The following DCK variants were observed in gnomAD, a reference collection of about 807,000 sequenced individuals.
DCK encodes the protein deoxycytidine kinase, also known as deoxyadenosine kinase.
Under a neutral mutation model 38.3 loss-of-function variants are expected in DCK, and 23 were observed. That is an observed-to-expected ratio of 0.60 (90% CI 0.43 to 0.85). The LOEUF is 0.85. DCK is among the 40% of genes least tolerant of loss of function. DCK has a pLI of 0.00. For missense variants in DCK, 259 were observed against 304.4 expected, an observed-to-expected ratio of 0.85 and a Z score of 1.11; for synonymous variants, 108 against 100.6, an observed-to-expected ratio of 1.07 and a Z score of -0.44.
chr4:70,997,853 A>G (rs1338185003), intron 1 of DCK, among the ~76,000 whole-genome samples: 3 of 152,232 alleles, frequency 2.0e-5, no homozygotes, highest in Non-Finnish European at 4.4e-5. Context: ...ATATTGTTAA[A>G]CTAAACGTAA....
chr4:70,994,135 T>C, intron 1 of DCK: 1 of 590,350 alleles, frequency 1.7e-6, no homozygotes, highest in Non-Finnish European at 3.0e-6. Context: ...GGGGTCAGAC[T>C]GGGCGCCAGG....
intron 2 of DCK, among the ~76,000 whole-genome samples, chr4:71,003,831 T>C (rs1739870927): frequency 6.6e-6 from 1 of 152,222 alleles, no homozygotes; most frequent in African/African-American, 2.4e-5. Context: ...TTCTGTAAAC[T>C]GGTTATTCTA....
intron 2 of DCK, among the ~76,000 whole-genome samples, chr4:71,018,174 T>C (rs1740320749): frequency 6.9e-6 from 1 of 145,140 alleles, no homozygotes; most frequent in Non-Finnish European, 1.5e-5. Flanking sequence ...TCTCCCAGGC[T>C]GGAGTGCAGT....
At chr4:71,007,134 A>T (rs980789713) in intron 2 of DCK, among the ~76,000 whole-genome samples, 1 of 152,204 alleles carries the variant, frequency 6.6e-6, no homozygotes, top group Admixed American at 6.5e-5. Context: ...AATCCTTAGG[A>T]TATCCAGGAC....
intron 2 of DCK, among the ~76,000 whole-genome samples, chr4:70,999,838 A>G (rs1023766363): frequency 1.3e-5 from 2 of 151,428 alleles, no homozygotes; most frequent in African/African-American, 4.9e-5. Flanking sequence ...GTGTCTGTTC[A>G]TATCATTTGC....
chr4:71,005,252 G>C (rs1383777424), intron 2 of DCK, among the ~76,000 whole-genome samples: 1 of 151,686 alleles, frequency 6.6e-6, no homozygotes, highest in Non-Finnish European at 1.5e-5. Flanking sequence ...TCCAGGTGAG[G>C]CGATGCCCCA....
rs577069491 is a variant in DCK, at chr4:71,025,367, G to C, written c.550-449G>C. Among the ~76,000 whole-genome samples the C allele has an allele frequency of 7.2e-5, 11 of 152,068 alleles. No homozygotes were observed. The South Asian group carries it at 2.3e-3, about 31-fold the overall frequency. Reference sequence around the variant, plus strand: ...GCATAAAACATTCCAAAGTTGTTTTGGTTGTGCTGATATAGAGTTTTCATC... The same window carrying C: ...GCATAAAACATTCCAAAGTTGTTTTCGTTGTGCTGATATAGAGTTTTCATC... On this transcript the variant is annotated intron_variant, in intron 4 of 6. Coordinates refer to ENST00000286648, the MANE Select transcript of DCK (RefSeq NM_000788.3).
rs1353826260 is a variant in DCK, at chr4:71,030,054, TA to T, written c.*677del. On this transcript the variant is annotated 3_prime_UTR_variant, in exon 7 of 7. Coordinates refer to ENST00000286648, the MANE Select transcript of DCK (RefSeq NM_000788.3). ...TTGCTTTGTAGTTTGCTTTGCTTTGTAGGGTTCTGCTTTTAAGTTTTTCTCT... is the reference window on the plus strand; with the variant it reads ...TTGCTTTGTAGTTTGCTTTGCTTTGTGGGTTCTGCTTTTAAGTTTTTCTCT... 2.6e-5 allele frequency: 4 copies of T among 152,642 alleles called. No individual in the cohort carries two copies. Among genetic ancestry groups the T allele is most frequent in the African/African-American group, 9.6e-5 (4 of 41,466 alleles). 9.5% of individuals were successfully genotyped at this position (152,642 alleles called of 1,614,324 possible). A position where few individuals can be genotyped will look rare whatever the true frequency, so the allele number is the denominator to read the frequency against.
intron 2 of DCK, among the ~76,000 whole-genome samples, chr4:71,003,878 GT>G (rs1739871683): frequency 6.6e-6 from 1 of 152,240 alleles, no homozygotes; most frequent in East Asian, 1.9e-4. Context: ...AAGGTTCTTA[GT>G]TCCTTGCATT....
intron 1 of DCK, among the ~76,000 whole-genome samples, chr4:70,995,584 CAG>C (rs1321206476): frequency 1.3e-5 from 2 of 152,022 alleles, no homozygotes; most frequent in African/African-American, 4.8e-5. Flanking sequence ...GTTAAAAACA[CAG>C]AAACAAAACA....
At chr4:71,023,033 G>A (rs950694952) in intron 3 of DCK, among the ~76,000 whole-genome samples, 12 of 152,136 alleles carry the variant, frequency 7.9e-5, no homozygotes, top group Admixed American at 3.3e-4. Flanking sequence ...AATAACTATC[G>A]AGGTGTCCAA....
At chr4:71,000,507 C>G (rs1010865681) in intron 2 of DCK, among the ~76,000 whole-genome samples, 1 of 152,084 alleles carries the variant, frequency 6.6e-6, no homozygotes, top group Non-Finnish European at 1.5e-5. Context: ...TATACGGGCT[C>G]TTTTTTGGTT....
intron 6 of DCK, among the ~76,000 whole-genome samples, chr4:71,029,058 A>C (rs1740616334): frequency 6.6e-6 from 1 of 151,710 alleles, no homozygotes; most frequent in African/African-American, 2.4e-5. Context: ...CGCCTGGCCT[A>C]TTTTTGTGTT....
chr4:71,026,784 T>C (rs1019426207), intron 6 of DCK, 29 bp downstream of exon 6: 5 of 1,178,770 alleles, frequency 4.2e-6, no homozygotes, highest in South Asian at 4.0e-5. Context: ...CAAACAAATA[T>C]TTGTTTTTTC....
At chr4:71,015,045 CA>C (rs1477127124) in intron 2 of DCK, among the ~76,000 whole-genome samples, 1 of 152,028 alleles carries the variant, frequency 6.6e-6, no homozygotes, top group African/African-American at 2.4e-5. Flanking sequence ...AAGAAGAAAA[CA>C]GAGAAGAATC....
intron 1 of DCK, among the ~76,000 whole-genome samples, chr4:70,994,822 C>T (rs1739624516): frequency 6.6e-6 from 1 of 152,196 alleles, no homozygotes; most frequent in African/African-American, 2.4e-5. Flanking sequence ...ACTAACGTTT[C>T]TGTTAACTCA....
At chr4:71,024,920 T>C (rs1740510458) in intron 4 of DCK, among the ~76,000 whole-genome samples, 1 of 152,090 alleles carries the variant, frequency 6.6e-6, no homozygotes, top group Non-Finnish European at 1.5e-5. Flanking sequence ...ACATAAATAA[T>C]ACTAATAATT....
At position 70,993,905 on chromosome 4, in the gene DCK, A is replaced by G. The variant is rs66878317; in HGVS notation, c.70A>G (p.Ile24Val). The G allele has an allele frequency of 1.4e-3, 2,275 of 1,613,696 alleles. 32 individuals are homozygous for G. The African/African-American group carries it at 0.027, about 19-fold the overall frequency. ...ASSEGTRIKK[I>V]SIEGNIAAGK... ...CTCTGAGGGGACCCGCATCAAGAAAATCTCCATCGAAGGGAACATCGGTAA... is the reference window on the plus strand; with the variant it reads ...CTCTGAGGGGACCCGCATCAAGAAAGTCTCCATCGAAGGGAACATCGGTAA... The change falls in exon 1 of 7, where the codon ATC becomes GTC. Residue 24 changes from isoleucine (I) to valine (V), a missense_variant. Physicochemically the swap from Ile to Val is conservative, Grantham distance 29. Around this residue, in one of 3 missense-constraint regions of DCK, gnomAD observed 159 missense variants for 159.0 expected, o/e 1.00. Coordinates refer to ENST00000286648, the MANE Select transcript of DCK (RefSeq NM_000788.3).
intron 2 of DCK, among the ~76,000 whole-genome samples, chr4:71,014,968 C>G (rs1462489867): frequency 6.6e-6 from 1 of 152,068 alleles, no homozygotes; most frequent in African/African-American, 2.4e-5. Context: ...TTCAAAAAAT[C>G]AATGAATCCA....
Sources: gnomAD v4.1 joint callset for allele counts (sites outside exome capture counted in the v4.1 genomes callset) on GRCh38, gnomAD v4.1.1 for gene constraint, gnomAD v4.1.1 regional missense constraint, MANE v1.5 for transcripts, NCBI Gene and HGNC (gene_info 2026-07-23, HGNC 2026-07-21) for gene names.